Variants in LINS1 observed in about 807,000 individuals in gnomAD.
The protein encoded by LINS1 is protein Lines homolog 1.
In LINS1, 27 loss-of-function variants were observed where a neutral mutation model predicts 41.6. The ratio of observed to expected loss-of-function variants is 0.65; its 90% CI spans 0.48 to 0.89. LINS1 has a LOEUF of 0.89. LINS1 is among the 40% of genes least tolerant of loss of function. The pLI, the probability that LINS1 is intolerant of heterozygous loss-of-function variation, is 0.00. For missense variants in LINS1, 955 were observed against 884.1 expected (o/e 1.08, Z -1.02); for synonymous variants, 336 against 312.9 (o/e 1.07, Z -0.78).
In LINS1 at chr15:100,575,038, G is replaced by A. The variant is rs768342757; in HGVS notation, c.580C>T (p.Leu194Phe). The change falls in exon 4 of 7, where the codon CTT becomes TTT. Residue 194 changes from leucine (L) to phenylalanine (F), a missense_variant. Leu to Phe is a conservative substitution (Grantham distance 22). Transcript: ENST00000314742. ...AAGATTTCTTTTATTATTGCTGTAAGAGTCCAGAGGCAGTATATTGCTTTA... is the reference window on the plus strand; with the variant it reads ...AAGATTTCTTTTATTATTGCTGTAAAAGTCCAGAGGCAGTATATTGCTTTA... ...SNKAIYCLWT[L>F]TAIIKEIFKD... 8 of 1,612,814 alleles carry A rather than the reference G, an allele frequency of 5.0e-6. No homozygotes were observed. In the Admixed American group the frequency reaches 1.3e-4, roughly 27 times the overall value.
chr15:100,589,512 T>C (rs1005501803), intron 1 of LINS1, among the ~76,000 whole-genome samples: 39 of 152,230 alleles, frequency 2.6e-4, no homozygotes, highest in African/African-American at 9.4e-4. Flanking sequence ...ATAAGTCTAA[T>C]ATTAATTAAG....
Position 100,568,540 on chromosome 15 carries a change from G to A in LINS1, c.*698C>T, listed in dbSNP as rs2037635922. The A allele has an allele frequency of 6.6e-6, 1 of 152,352 alleles. No individual in the cohort carries two copies. Among genetic ancestry groups the A allele is most frequent in the African/African-American group, 2.4e-5 (1 of 41,446 alleles). The allele number at this position is 152,352 out of a possible 1,614,324, so 9.4% of individuals were successfully genotyped here. ...CTGGCTGCCACCAGAAGCCAGAAAG[G>A]GGCAGGGTGGGATTCTTCTCCAGAC... On this transcript the variant is annotated 3_prime_UTR_variant, in exon 7 of 7. Transcript: ENST00000314742.
rs1430267399 is a variant in LINS1, at chr15:100,573,996, C to A, written c.877G>T (p.Ala293Ser). The change falls in exon 5 of 7, where the codon GCT becomes TCT. Residue 293 changes from alanine (A) to serine (S), a missense_variant. Coordinates refer to ENST00000314742, the MANE Select transcript of LINS1 (RefSeq NM_001040616.3). ...MLEVITWPIQAFVKRKVIIFL... is the reference protein window; with the variant it reads ...MLEVITWPIQSFVKRKVIIFL... ...ATGATGACCTTCCTTTTAACAAAAG[C>A]CTGAATAGGCCAGGTAATAACTTCT... 1 of 1,614,100 alleles carries A rather than the reference C, an allele frequency of 6.2e-7. No individual in the cohort carries two copies. The highest frequency in any genetic ancestry group is 1.7e-5 in the Admixed American group (1 of 60,008).
intron 1 of LINS1, among the ~76,000 whole-genome samples, chr15:100,590,452 G>A (rs2038984999): frequency 6.6e-6 from 1 of 152,204 alleles, no homozygotes; most frequent in South Asian, 2.1e-4. Flanking sequence ...CCAAGTTAAA[G>A]AGAACATTGC....
chr15:100,585,010 A>T (rs1050090584), intron 1 of LINS1, among the ~76,000 whole-genome samples: 5 of 152,240 alleles, frequency 3.3e-5, no homozygotes, highest in African/African-American at 1.2e-4. Context: ...CTGTCATTAC[A>T]GTTCATGGCT....
chr15:100,592,551 C>A (rs1250962466), intron 1 of LINS1, among the ~76,000 whole-genome samples: 1 of 151,554 alleles, frequency 6.6e-6, no homozygotes, highest in Admixed American at 6.6e-5. Context: ...AAAATCACCT[C>A]ATTAACATAA....
Position 100,596,162 on chromosome 15 carries a change from AG to A in LINS1, c.-104+5958del, listed in dbSNP as rs1189531209. ...CAGCTCTCTTTACCTTCAGGGCTAAAGGGGGTGCTGGCGGTTACTGGCCTTG... is the reference window on the plus strand; with the variant it reads ...CAGCTCTCTTTACCTTCAGGGCTAAAGGGGTGCTGGCGGTTACTGGCCTTG... On this transcript the variant is annotated intron_variant, in intron 1 of 6. Coordinates refer to ENST00000314742, the MANE Select transcript of LINS1 (RefSeq NM_001040616.3). 5.3e-5 allele frequency among the ~76,000 whole-genome samples: 8 copies of A among 152,170 alleles called. No homozygotes were observed. In the East Asian group the frequency reaches 1.5e-3, roughly 29 times the overall value.
chr15:100,572,840 T>G (rs373025464), intron 5 of LINS1: 1 of 829,260 alleles, frequency 1.2e-6, no homozygotes, highest in Non-Finnish European at 1.5e-6. Context: ...TTCTCATATA[T>G]TAGCTTTAAT....
Position 100,573,639 on chromosome 15 carries a change from T to G in LINS1, c.1222+12A>C. On this transcript the variant is annotated intron_variant, in intron 5 of 6. Coordinates refer to ENST00000314742, the MANE Select transcript of LINS1 (RefSeq NM_001040616.3). ...ATTACACACTGCATACAAAAGGAGT[T>G]TGGAGAATTACCTTTCACTTCACTT... 1 of 1,490,116 alleles carries G rather than the reference T, an allele frequency of 6.7e-7. No individual in the cohort carries two copies. Among genetic ancestry groups the G allele is most frequent in the Non-Finnish European group, 9.3e-7 (1 of 1,069,814 alleles). 92.3% of individuals were successfully genotyped at this position (1,490,116 alleles called of 1,614,324 possible).
chr15:100,594,065 A>G (rs2039146728), intron 1 of LINS1, among the ~76,000 whole-genome samples: 1 of 152,198 alleles, frequency 6.6e-6, no homozygotes, highest in Non-Finnish European at 1.5e-5. Context: ...CTCCCTGGCA[A>G]AAAATGGCAT....
At chr15:100,581,558 A>T (rs1233308619) in intron 1 of LINS1, among the ~76,000 whole-genome samples, 1 of 152,240 alleles carries the variant, frequency 6.6e-6, no homozygotes, top group Non-Finnish European at 1.5e-5. Context: ...AAATGGATCA[A>T]CATCAGAAGC....
At chr15:100,581,997 C>T (rs868770485) in intron 1 of LINS1, among the ~76,000 whole-genome samples, 1 of 152,226 alleles carries the variant, frequency 6.6e-6, no homozygotes, top group South Asian at 2.1e-4. Context: ...TACCCTTTAA[C>T]AAAATTACAG....
rs761090823 is a variant in LINS1 at position 100,580,265 on chromosome 15, T to C, written c.487A>G (p.Lys163Glu). Residue 163 changes from lysine to glutamate, a missense_variant and splice_region_variant, in exon 3 of 7, where the codon AAG becomes GAG. Transcript: ENST00000314742. ...CATACTTTGATTACTTATCTTACCTTTTCTCTCAATTGGAAATATAGAAGC... is the reference window on the plus strand; with the variant it reads ...CATACTTTGATTACTTATCTTACCTCTTCTCTCAATTGGAAATATAGAAGC... The part of the protein sequence containing the change: ...ALLLYFQLRE[K>E]ITLSNSWIAF... The C allele has an allele frequency of 1.9e-6, 3 of 1,591,830 alleles. No homozygotes were observed. The Admixed American group carries it at 5.0e-5, about 27-fold the overall frequency.
chr15:100,584,032 C>T (rs2038687654), intron 1 of LINS1, among the ~76,000 whole-genome samples: 1 of 147,004 alleles, frequency 6.8e-6, no homozygotes, highest in Non-Finnish European at 1.5e-5. Context: ...TTGCAACTGC[C>T]TGAACAAAAT....
At chr15:100,584,144 T>A (rs1448665669) in intron 1 of LINS1, among the ~76,000 whole-genome samples, 1 of 152,254 alleles carries the variant, frequency 6.6e-6, no homozygotes, top group Non-Finnish European at 1.5e-5. Flanking sequence ...ATTTTAGTTA[T>A]AACATTTCTT....
chr15:100,590,692 C>T (rs961930945), intron 1 of LINS1, among the ~76,000 whole-genome samples: 1 of 152,136 alleles, frequency 6.6e-6, no homozygotes. Context: ...CACTTGTGGC[C>T]TATGGAGAAA....
At chr15:100,572,688 A>C (rs1219212241) in intron 5 of LINS1, 3 of 986,190 alleles carry the variant, frequency 3.0e-6, no homozygotes, top group African/African-American at 3.5e-5. Flanking sequence ...CATTGCTCAC[A>C]ATTCAAACTT....
In LINS1 at chr15:100,570,095, A is replaced by G. The variant is rs1421355553; in HGVS notation, c.1417T>C (p.Leu473=). ...TCCCACATTTCTTTTCCCTGAGTCAAGCTTTCAGTGGCTTCACATCCTCTG... is the reference window on the plus strand; with the variant it reads ...TCCCACATTTCTTTTCCCTGAGTCAGGCTTTCAGTGGCTTCACATCCTCTG... The part of the protein sequence containing the change: ...LTRGCEATES[L]TQGKEMWDHH... Residue 473 remains leucine, a synonymous_variant, in exon 7 of 7, where the codon TTG becomes CTG. Transcript: ENST00000314742. 2.5e-6 allele frequency: 4 copies of G among 1,587,166 alleles called. No individual in the cohort carries two copies. The highest frequency in any genetic ancestry group is 1.7e-4 in the Middle Eastern group (1 of 5,974).
At chr15:100,581,374 A>T (rs1410092251) in intron 1 of LINS1, among the ~76,000 whole-genome samples, 1 of 152,206 alleles carries the variant, frequency 6.6e-6, no homozygotes, top group Non-Finnish European at 1.5e-5. Context: ...ACAACCAAAA[A>T]ATGTCTGCAG....
Sources: gnomAD v4.1 joint callset for allele counts (sites outside exome capture counted in the v4.1 genomes callset) on GRCh38, gnomAD v4.1.1 for gene constraint, MANE v1.5 for transcripts, NCBI Gene and HGNC (gene_info 2026-07-23, HGNC 2026-07-21) for gene names.